ACBD6: variants seen among roughly 807,000 people sequenced by gnomAD.
ACBD6 encodes acyl-CoA-binding domain-containing protein 6.
In ACBD6, 28 loss-of-function variants were observed where a neutral mutation model predicts 37.2. That is an observed-to-expected ratio of 0.75 (90% confidence interval 0.56 to 1.03). ACBD6 has a LOEUF of 1.03. Ranked by LOEUF, ACBD6 falls within the 50% of genes least tolerant of loss-of-function variation. The pLI, the probability that ACBD6 is intolerant of heterozygous loss-of-function variation, is 0.00. For missense variants in ACBD6, 340 were observed against 337.4 expected (o/e 1.01, Z -0.06); for synonymous variants, 113 against 126.8 (o/e 0.89, Z 0.73).
At chr1:180,345,642 G>A (rs1377801423) in intron 6 of ACBD6, among the ~76,000 whole-genome samples, 4 of 152,016 alleles carry the variant, frequency 2.6e-5, no homozygotes, top group Admixed American at 1.3e-4. Context: ...CGATTATTAC[G>A]CAGCAATTTC....
intron 4 of ACBD6, among the ~76,000 whole-genome samples, chr1:180,426,906 T>C (rs888586354): frequency 2.6e-5 from 4 of 152,188 alleles, no homozygotes; most frequent in Admixed American, 6.5e-5. Context: ...ATGCCAGCGG[T>C]TTGGCTCCAT....
intron 7 of ACBD6, among the ~76,000 whole-genome samples, chr1:180,298,207 T>C (rs193281478): frequency 1.8e-4 from 27 of 152,328 alleles, no homozygotes; most frequent in African/African-American, 6.5e-4. Context: ...AAAAGGCTAT[T>C]TATCCTGCAT....
rs200715612 is a variant in ACBD6, at chr1:180,359,789, G to GT, written c.663+37726dup. On this transcript the variant is annotated intron_variant, in intron 6 of 7. Transcript: ENST00000367595. The stretch of plus-strand genomic sequence containing the variant: ...GAATTTCTTCTTGTCAAATAATGGT[G>GT]TTTTTTTTGTCTCCTATTTATTTCC... 3.6e-4 allele frequency among the ~76,000 whole-genome samples: 54 copies of GT among 151,676 alleles called. 1 individual carries two copies. The East Asian group carries it at 7.2e-3, about 20-fold the overall frequency.
intron 6 of ACBD6, among the ~76,000 whole-genome samples, chr1:180,357,895 C>T (rs566489611): frequency 3.3e-5 from 5 of 152,068 alleles, no homozygotes; most frequent in African/African-American, 1.2e-4. Flanking sequence ...ATTCTTTGGT[C>T]GTTCATATTG....
chr1:180,409,123 T>G (rs1428852498), intron 5 of ACBD6, among the ~76,000 whole-genome samples: 2 of 151,734 alleles, frequency 1.3e-5, no homozygotes, highest in African/African-American at 4.8e-5. Flanking sequence ...GCCACTGCAC[T>G]CCAGCCTGAG....
chr1:180,502,026 C>T lies in ACBD6; in HGVS notation c.222+19G>A. 6.2e-7 allele frequency: 1 copy of T among 1,612,016 alleles called. No individual in the cohort carries two copies. The highest frequency in any genetic ancestry group is 8.5e-7 in the Non-Finnish European group (1 of 1,178,956). ...CTCCGTGTCTTTCTCCCCCATCCAC[C>T]CTCTCCCTGCTACTTTACCTGTTTG... On this transcript the variant is annotated intron_variant, in intron 1 of 7. Coordinates refer to ENST00000367595, the MANE Select transcript of ACBD6 (RefSeq NM_032360.4).
intron 6 of ACBD6, among the ~76,000 whole-genome samples, chr1:180,315,707 C>T (rs182751158): frequency 9.2e-5 from 14 of 152,134 alleles, no homozygotes; most frequent in Non-Finnish European, 1.8e-4. Flanking sequence ...CAAGAAGCTG[C>T]CACAGAGAAC....
intron 6 of ACBD6, among the ~76,000 whole-genome samples, chr1:180,346,893 G>C (rs1652201740): frequency 6.6e-6 from 1 of 152,140 alleles, no homozygotes; most frequent in African/African-American, 2.4e-5. Context: ...GTGTGCACCT[G>C]TAGTCCCAGC....
intron 6 of ACBD6, among the ~76,000 whole-genome samples, chr1:180,339,417 A>G (rs912684060): frequency 1.3e-5 from 2 of 152,244 alleles, no homozygotes; most frequent in Non-Finnish European, 2.9e-5. Flanking sequence ...CATTCTCAGC[A>G]AACTATTGCA....
chr1:180,500,132 T>TAAAA (rs778814281), intron 1 of ACBD6, among the ~76,000 whole-genome samples: 1 of 133,316 alleles, frequency 7.5e-6, no homozygotes. Flanking sequence ...CTTTTTTAGT[T>TAAAA]AAAAAAAAAA....
chr1:180,334,381 C>G (rs368097536), intron 6 of ACBD6, among the ~76,000 whole-genome samples: 1 of 152,188 alleles, frequency 6.6e-6, no homozygotes, highest in Admixed American at 6.5e-5. Flanking sequence ...CTGCAGCCGC[C>G]GCTGCTGATA....
intron 7 of ACBD6, among the ~76,000 whole-genome samples, chr1:180,293,198 T>C (rs1258214281): frequency 2.0e-5 from 3 of 152,204 alleles, no homozygotes; most frequent in Non-Finnish European, 4.4e-5. Flanking sequence ...TCTAAGGTCT[T>C]TGTCTGGATT....
intron 6 of ACBD6, among the ~76,000 whole-genome samples, chr1:180,327,129 G>A (rs918830101): frequency 2.0e-5 from 3 of 152,144 alleles, no homozygotes; most frequent in African/African-American, 4.8e-5. Context: ...TGCCTTTCAA[G>A]TATATTTAGG....
intron 3 of ACBD6, among the ~76,000 whole-genome samples, chr1:180,443,003 T>TA (rs76869017): frequency 9.1e-6 from 1 of 109,356 alleles, no homozygotes; most frequent in Admixed American, 8.9e-5. Flanking sequence ...CCCCACTTTT[T>TA]TTTTTCCTTT....
At chr1:180,494,760 CTA>C (rs1010468289) in intron 2 of ACBD6, among the ~76,000 whole-genome samples, 2 of 152,192 alleles carry the variant, frequency 1.3e-5, no homozygotes, top group Admixed American at 1.3e-4. Context: ...GCCTTCCCTT[CTA>C]TAACTAAGAT....
At chr1:180,333,651 G>A (rs946557670) in intron 6 of ACBD6, among the ~76,000 whole-genome samples, 14 of 152,250 alleles carry the variant, frequency 9.2e-5, no homozygotes, top group Non-Finnish European at 1.9e-4. Flanking sequence ...TCACTGGGGA[G>A]TGTCAGAAAG....
intron 6 of ACBD6, among the ~76,000 whole-genome samples, chr1:180,337,388 A>C (rs1651777501): frequency 1.3e-5 from 2 of 152,204 alleles, no homozygotes; most frequent in African/African-American, 4.8e-5. Flanking sequence ...TATAAACAGA[A>C]CCAATGACAA....
chr1:180,451,835 T>C (rs1642782135), intron 3 of ACBD6, among the ~76,000 whole-genome samples: 2 of 152,168 alleles, frequency 1.3e-5, no homozygotes, highest in African/African-American at 2.4e-5. Flanking sequence ...TAAAAACCAC[T>C]GAATTGTACA....
intron 7 of ACBD6, among the ~76,000 whole-genome samples, chr1:180,295,267 T>C (rs1263878222): frequency 1.6e-5 from 2 of 126,150 alleles, no homozygotes; most frequent in African/African-American, 5.3e-5. Flanking sequence ...AGCTGCATCC[T>C]GCAATTTTTT....
Sources: gnomAD v4.1 joint callset for allele counts (sites outside exome capture counted in the v4.1 genomes callset) on GRCh38, gnomAD v4.1.1 for gene constraint, MANE v1.5 for transcripts, NCBI Gene and HGNC (gene_info 2026-07-23, HGNC 2026-07-21) for gene names.